The following CFTR variants were observed in gnomAD, a reference collection of about 807,000 sequenced individuals.
The protein encoded by CFTR is CF transmembrane conductance regulator.
In CFTR, 181 loss-of-function variants were observed where a neutral mutation model predicts 171.6. The ratio of observed to expected loss-of-function variants is 1.05; its 90% confidence interval spans 0.93 to 1.19. CFTR has a LOEUF of 1.19. Among genes scored for constraint, CFTR ranks in the 50% most tolerant of loss-of-function variants. The probability of loss-of-function intolerance (pLI) is 0.00; values close to 1 mark genes in which losing one functional copy is unlikely to be tolerated. For missense variants in CFTR, 1,968 were observed against 1,734.7 expected, an observed-to-expected ratio of 1.13 and a Z score of -2.39; for synonymous variants, 583 against 608.0, an observed-to-expected ratio of 0.96 and a Z score of 0.60.
chr7:117,570,241 A>G (rs1791669447), intron 11 of CFTR, among the ~76,000 whole-genome samples: 1 of 152,076 alleles, frequency 6.6e-6, no homozygotes, highest in African/African-American at 2.4e-5. Context: ...AAAAACAAAA[A>G]AAGAGGCAGA....
intron 25 of CFTR, 136 bp from the exon 26 acceptor site, chr7:117,665,323 A>G (rs994654940): frequency 4.6e-6 from 3 of 645,942 alleles, no homozygotes; most frequent in Admixed American, 5.4e-5. Flanking sequence ...GGCTAACGCT[A>G]TATCAACATT....
intron 21 of CFTR, among the ~76,000 whole-genome samples, chr7:117,615,359 G>A (rs1298465769): frequency 6.6e-6 from 1 of 151,874 alleles, no homozygotes; most frequent in Admixed American, 6.6e-5. Context: ...ATGAAAAGAA[G>A]CTTTTAAGTT....
chr7:117,560,214 AGATG>A (rs1799439357), intron 11 of CFTR, among the ~76,000 whole-genome samples: 3 of 152,220 alleles, frequency 2.0e-5, no homozygotes, highest in Admixed American at 2.0e-4. Flanking sequence ...GGCAAAATGA[AGATG>A]ATGTCATTAC....
chr7:117,492,188 C>T (rs558553263), intron 1 of CFTR, among the ~76,000 whole-genome samples: 50 of 152,086 alleles, frequency 3.3e-4, no homozygotes, highest in Middle Eastern at 6.8e-3. Flanking sequence ...CATATAAAAA[C>T]ATTTTATTGA....
chr7:117,575,007 G>A (rs1791750817), intron 11 of CFTR, among the ~76,000 whole-genome samples: 1 of 151,750 alleles, frequency 6.6e-6, no homozygotes, highest in Admixed American at 6.6e-5. Context: ...GTTCCTGATG[G>A]ACATTTAGAT....
chr7:117,624,655 C>T (rs36053606), intron 21 of CFTR, among the ~76,000 whole-genome samples: 2 of 152,110 alleles, frequency 1.3e-5, no homozygotes, highest in Admixed American at 1.3e-4. Context: ...CTTAGAGGAC[C>T]TGGTATCTAA....
chr7:117,617,364 A>G (rs180836861), intron 21 of CFTR, among the ~76,000 whole-genome samples: 200 of 151,634 alleles, frequency 1.3e-3, no homozygotes, highest in Admixed American at 1.6e-3. Flanking sequence ...GGTAATGTTT[A>G]GATAACATTT....
At chr7:117,570,281 G>A (rs527333070) in intron 11 of CFTR, among the ~76,000 whole-genome samples, 13 of 151,786 alleles carry the variant, frequency 8.6e-5, no homozygotes, top group East Asian at 3.9e-4. Context: ...TAACTTTCAC[G>A]TGCCATGTAA....
chr7:117,649,828 T>C (rs1394946800), intron 23 of CFTR, among the ~76,000 whole-genome samples: 1 of 152,076 alleles, frequency 6.6e-6, no homozygotes, highest in East Asian at 1.9e-4. Flanking sequence ...GTGAGTATTA[T>C]GAGACCATAT....
chr7:117,599,465 C>T (rs763920310), intron 15 of CFTR, among the ~76,000 whole-genome samples: 1 of 152,004 alleles, frequency 6.6e-6, no homozygotes, highest in Non-Finnish European at 1.5e-5. Context: ...GGGAAAGAAA[C>T]TAAATTACAA....
At position 117,485,152 on chromosome 7, in the gene CFTR, T is replaced by G. The variant is rs35470760; in HGVS notation, c.53+5005T>G. 4.7e-3 allele frequency among the ~76,000 whole-genome samples: 720 copies of G among 152,330 alleles called. 5 individuals carry two copies. Among genetic ancestry groups the G allele is most frequent in the African/African-American group, 0.016 (665 of 41,574 alleles). ...CTATAAAATGCATTATTATTGCTAG[T>G]GTCATTTCACAAGAGCCTATAATTT... On this transcript the variant is annotated intron_variant, in intron 1 of 26. Coordinates refer to ENST00000003084, the MANE Select transcript of CFTR (RefSeq NM_000492.4).
chr7:117,569,829 A>G (rs550777715), intron 11 of CFTR, among the ~76,000 whole-genome samples: 1 of 152,134 alleles, frequency 6.6e-6, no homozygotes, highest in Non-Finnish European at 1.5e-5. Flanking sequence ...CATTCATTCA[A>G]AAATACTTAA....
Position 117,536,542 on chromosome 7 carries a change from T to G in CFTR, c.744-6T>G, listed in dbSNP as rs878854022. 5 of 1,570,674 alleles carry G rather than the reference T, an allele frequency of 3.2e-6. No homozygotes were observed. The highest frequency in any genetic ancestry group is 1.7e-4 in the Middle Eastern group (1 of 5,980). The stretch of plus-strand genomic sequence containing the variant: ...TTGATTGATTGATTGATTGATTGAT[T>G]TACAGAGATCAGAGAGCTGGGAAGA... On this transcript the variant is annotated splice_polypyrimidine_tract_variant and splice_region_variant and intron_variant, in intron 6 of 26. Transcript: ENST00000003084.
chr7:117,554,698 A>G (rs1799322543), intron 10 of CFTR, among the ~76,000 whole-genome samples: 1 of 152,130 alleles, frequency 6.6e-6, no homozygotes, highest in African/African-American at 2.4e-5. Flanking sequence ...TAAAAGTCTG[A>G]GAAGACAAAG....
chr7:117,600,437 G>A (rs998106155), intron 15 of CFTR, among the ~76,000 whole-genome samples: 2 of 151,996 alleles, frequency 1.3e-5, no homozygotes, highest in African/African-American at 4.8e-5. Context: ...TGAAGATCCT[G>A]TTTAATGCTT....
chr7:117,627,801 A>G, intron 22 of CFTR, 31 bp downstream of exon 22: 1 of 1,604,406 alleles, frequency 6.2e-7, no homozygotes, highest in Non-Finnish European at 8.5e-7. Context: ...GCTTTGTTAG[A>G]CTGTGTTCAG....
chr7:117,480,164 C>T lies in CFTR; in HGVS notation c.53+17C>T. The T allele has an allele frequency of 6.2e-7, 1 of 1,613,614 alleles. No homozygotes were observed. Among genetic ancestry groups the T allele is most frequent in the Non-Finnish European group, 8.5e-7 (1 of 1,179,678 alleles). ...TTTTTTCAGGTGAGAAGGTGGCCAA[C>T]CGAGCTTCGGAAAGACACGTGCCCA... On this transcript the variant is annotated intron_variant, in intron 1 of 26. Transcript: ENST00000003084.
At chr7:117,489,886 C>T (rs2116616672) in intron 1 of CFTR, among the ~76,000 whole-genome samples, 1 of 152,042 alleles carries the variant, frequency 6.6e-6, no homozygotes, top group South Asian at 2.1e-4. Context: ...GGTGAATTCA[C>T]TGAAATATTT....
intron 19 of CFTR, among the ~76,000 whole-genome samples, 178 bp downstream of exon 19, chr7:117,610,847 GA>G (rs1792375118): frequency 6.6e-6 from 1 of 152,046 alleles, no homozygotes; most frequent in Admixed American, 6.6e-5. Flanking sequence ...AGTACACATG[GA>G]TTTTTTTTCT....
Sources: gnomAD v4.1 joint callset for allele counts (sites outside exome capture counted in the v4.1 genomes callset) on GRCh38, gnomAD v4.1.1 for gene constraint, MANE v1.5 for transcripts, NCBI Gene and HGNC (gene_info 2026-07-23, HGNC 2026-07-21) for gene names.